Variants in PLEKHD1 observed in about 807,000 individuals in gnomAD.
The protein encoded by PLEKHD1 is pleckstrin homology domain-containing family D member 1.
PLEKHD1 carries 51 observed loss-of-function variants against 69.2 expected under a neutral mutation model. The observed-to-expected ratio is 0.74, with a 90% CI of 0.59 to 0.93. PLEKHD1 has a LOEUF of 0.93. PLEKHD1 is among the 40% of genes least tolerant of loss of function. PLEKHD1 has a pLI of 0.00. For missense variants in PLEKHD1, 584 were observed against 641.0 expected (o/e 0.91, Z 0.96); for synonymous variants, 236 against 244.7 (o/e 0.96, Z 0.33).
At chr14:69,520,955 G>A (rs1036078986) in intron 6 of PLEKHD1, among the ~76,000 whole-genome samples, 2 of 152,070 alleles carry the variant, frequency 1.3e-5, no homozygotes, top group Non-Finnish European at 2.9e-5. Flanking sequence ...CATGTGGTGT[G>A]CCCAGGAGGA....
chr14:69,490,146 G>T (rs185785379), intron 1 of PLEKHD1, among the ~76,000 whole-genome samples: 24 of 152,322 alleles, frequency 1.6e-4, no homozygotes, highest in Admixed American at 1.5e-3. Flanking sequence ...GGGTTTACAG[G>T]CATGAGCCCC....
intron 1 of PLEKHD1, among the ~76,000 whole-genome samples, chr14:69,493,806 C>A (rs1410948658): frequency 6.6e-6 from 1 of 152,248 alleles, no homozygotes; most frequent in Non-Finnish European, 1.5e-5. Context: ...AGCGTTGACA[C>A]AAGCCCCATA....
intron 6 of PLEKHD1, among the ~76,000 whole-genome samples, chr14:69,507,012 C>CTTGCCT (rs372373683): frequency 1.1e-4 from 17 of 150,518 alleles, no homozygotes; most frequent in African/African-American, 3.7e-4. Context: ...AAGGGATTCT[C>CTTGCCT]CTGCCTCTGC....
In PLEKHD1 at chr14:69,510,296, T is replaced by G. The variant is rs528478502; in HGVS notation, c.555+7417T>G. 1.1e-4 allele frequency among the ~76,000 whole-genome samples: 16 copies of G among 152,366 alleles called. No individual in the cohort carries two copies. The South Asian group carries it at 3.3e-3, about 32-fold the overall frequency. ...TAGATCAAGTTGGGAAATGATATCT[T>G]GCAAATATTGAATCATCCTATTTAT... On this transcript the variant is annotated intron_variant, in intron 6 of 12. Coordinates refer to ENST00000322564, the MANE Select transcript of PLEKHD1 (RefSeq NM_001161498.2).
In PLEKHD1 at chr14:69,485,124, C is replaced by A. The variant is rs1015791660; in HGVS notation, c.149+10C>A. 3.9e-6 allele frequency: 6 copies of A among 1,547,104 alleles called. No homozygotes were observed. The highest frequency in any genetic ancestry group is 5.2e-6 in the Non-Finnish European group (6 of 1,144,964). On this transcript the variant is annotated intron_variant, in intron 1 of 12. Transcript: ENST00000322564. Reference sequence around the variant, plus strand: ...CCAAGTGGTCCCGGCGGTGAGTGCGCCCCCGCGCCCCAAGGAGACCGCCGG... The same window carrying A: ...CCAAGTGGTCCCGGCGGTGAGTGCGACCCCGCGCCCCAAGGAGACCGCCGG...
intron 6 of PLEKHD1, among the ~76,000 whole-genome samples, chr14:69,514,443 C>G (rs998581043): frequency 6.6e-6 from 1 of 152,130 alleles, no homozygotes; most frequent in Non-Finnish European, 1.5e-5. Flanking sequence ...ATTTTCATCT[C>G]TCTACTTATA....
upstream of PLEKHD1, among the ~76,000 whole-genome samples, chr14:69,482,448 C>T (rs1390928883): frequency 6.6e-6 from 1 of 152,182 alleles, no homozygotes; most frequent in Non-Finnish European, 1.5e-5. Flanking sequence ...TGAGGCAAAG[C>T]TTCCAGGAAC....
At chr14:69,514,556 CT>C (rs1322083435) in intron 6 of PLEKHD1, among the ~76,000 whole-genome samples, 1 of 152,134 alleles carries the variant, frequency 6.6e-6, no homozygotes, top group Non-Finnish European at 1.5e-5. Context: ...TCCAGCATTC[CT>C]GCCATATCTA....
intron 3 of PLEKHD1, 92 bp from the exon 4 acceptor site, chr14:69,500,779 G>A (rs920920350): frequency 2.6e-6 from 4 of 1,516,680 alleles, no homozygotes; most frequent in South Asian, 2.4e-5. Flanking sequence ...CAGCACCCAG[G>A]GATGTGGGGT....
At chr14:69,507,598 A>T (rs1287340225) in intron 6 of PLEKHD1, among the ~76,000 whole-genome samples, 1 of 152,278 alleles carries the variant, frequency 6.6e-6, no homozygotes, top group Admixed American at 6.5e-5. Flanking sequence ...TGTCTTCCAA[A>T]GTAGCTGTAC....
rs2139540303 is a variant in PLEKHD1 at position 69,531,401 on chromosome 14, A to G, written c.*2982A>G. ...TTCGTTAAAAGCTCACTATGTACCTAGCACTGTAAATAGAAAAATAGCAAC... is the reference window on the plus strand; with the variant it reads ...TTCGTTAAAAGCTCACTATGTACCTGGCACTGTAAATAGAAAAATAGCAAC... On this transcript the variant is annotated 3_prime_UTR_variant, in exon 13 of 13. Transcript: ENST00000322564. 6.6e-6 allele frequency: 1 copy of G among 152,368 alleles called. No homozygotes were observed. Among genetic ancestry groups the G allele is most frequent in the South Asian group, 2.1e-4 (1 of 4,828 alleles). The allele number at this position is 152,368 out of a possible 1,614,324, so 9.4% of individuals were successfully genotyped here.
intron 6 of PLEKHD1, among the ~76,000 whole-genome samples, chr14:69,520,162 G>A (rs1883479246): frequency 1.2e-5 from 1 of 84,368 alleles, no homozygotes; most frequent in Non-Finnish European, 2.0e-5. Flanking sequence ...GCGAGACTCT[G>A]TCTCAAAAAA....
intron 1 of PLEKHD1, among the ~76,000 whole-genome samples, 171 bp from the exon 2 acceptor site, chr14:69,499,944 G>A (rs987897325): frequency 1.3e-5 from 2 of 152,110 alleles, no homozygotes; most frequent in African/African-American, 4.8e-5. Flanking sequence ...GGACGTCACT[G>A]GCCAGCTGAG....
intron 6 of PLEKHD1, among the ~76,000 whole-genome samples, chr14:69,516,397 A>G (rs1211769168): frequency 6.6e-6 from 1 of 152,108 alleles, no homozygotes; most frequent in Non-Finnish European, 1.5e-5. Context: ...ATTCTTATAT[A>G]TGGTATATTT....
the PLEKHD1 span, among the ~76,000 whole-genome samples, chr14:69,474,563 A>G: frequency 6.6e-6 from 1 of 152,142 alleles, no homozygotes; most frequent in East Asian, 1.9e-4. Context: ...CATTGTATTA[A>G]TTTATGGCTT....
intron 8 of PLEKHD1, among the ~76,000 whole-genome samples, chr14:69,525,614 T>C (rs1438938828): frequency 6.6e-6 from 1 of 152,074 alleles, no homozygotes; most frequent in African/African-American, 2.4e-5. Context: ...CTGGTTCCTG[T>C]TGGGTGTTTT....
the PLEKHD1 span, among the ~76,000 whole-genome samples, chr14:69,472,106 A>G: frequency 6.6e-6 from 1 of 152,178 alleles, no homozygotes; most frequent in Non-Finnish European, 1.5e-5. Flanking sequence ...CACCGTCACA[A>G]CAATCACCAC....
intron 6 of PLEKHD1, among the ~76,000 whole-genome samples, chr14:69,513,548 A>C (rs1333220534): frequency 6.6e-6 from 1 of 152,220 alleles, no homozygotes; most frequent in African/African-American, 2.4e-5. Flanking sequence ...CTATTGTTAC[A>C]GGTGCATACT....
intron 6 of PLEKHD1, among the ~76,000 whole-genome samples, chr14:69,512,576 T>G (rs1219052693): frequency 6.6e-6 from 1 of 152,226 alleles, no homozygotes; most frequent in African/African-American, 2.4e-5. Flanking sequence ...CAAATTTTGA[T>G]GAGTTGTATT....
Sources: allele counts gnomAD v4.1 joint callset (sites outside exome capture counted in the v4.1 genomes callset), GRCh38; gene constraint gnomAD v4.1.1; transcripts MANE v1.5; gene names NCBI Gene and HGNC (gene_info 2026-07-23, HGNC 2026-07-21).